The following DNAH11 variants were observed in gnomAD, a reference collection of about 807,000 sequenced individuals.
DNAH11 encodes axonemal beta dynein heavy chain 11.
In DNAH11, 442 loss-of-function variants were observed where a neutral mutation model predicts 526.0. The ratio of observed to expected loss-of-function variants is 0.84; its 90% confidence interval spans 0.78 to 0.91. The LOEUF (loss-of-function observed/expected upper bound fraction) is 0.91. DNAH11 is among the 40% of genes least tolerant of loss of function. The pLI, the probability that DNAH11 is intolerant of heterozygous loss-of-function variation, is 0.00. For synonymous variants in DNAH11, 2,461 were observed against 1,935.9 expected, an observed-to-expected ratio of 1.27 and a Z score of -7.12; for missense variants, 6,989 against 5,448.7, an observed-to-expected ratio of 1.28 and a Z score of -8.90.
At position 21,804,706 on chromosome 7, in the gene DNAH11, C is replaced by T. The variant is rs1012572999; in HGVS notation, c.10166-3177C>T. ...GCACTTCTCATTCTCTTCACCTTAC[C>T]ATGCTGGTCCAGGCTGTGGCATCTC... On this transcript the variant is annotated intron_variant, in intron 62 of 81. Transcript: ENST00000409508. Among the ~76,000 whole-genome samples, 5 of 152,248 alleles carry T rather than the reference C, an allele frequency of 3.3e-5. No homozygotes were observed. The South Asian group carries it at 1.0e-3, about 32-fold the overall frequency.
chr7:21,695,870 A>G (rs1329600290), intron 35 of DNAH11, among the ~76,000 whole-genome samples: 1 of 152,192 alleles, frequency 6.6e-6, no homozygotes, highest in Non-Finnish European at 1.5e-5. Context: ...TCCAGAATCT[A>G]CAAGGAACTT....
Position 21,591,499 on chromosome 7 carries a change from G to A in DNAH11, c.2589G>A (p.Leu863=). Residue 863 remains leucine (L), a synonymous_variant, in exon 14 of 82, where the codon TTG becomes TTA. Transcript: ENST00000409508. The part of the protein sequence containing the change: ...REHRREAAFT[L]EDKGDLFTKK... ...ACAGACGAGAGGCAGCCTTCACCTT[G>A]GAGGACAAGGGTGATTTGTTTACAA... 6.2e-7 allele frequency: 1 copy of A among 1,608,192 alleles called. No individual in the cohort carries two copies. Among genetic ancestry groups the A allele is most frequent in the Non-Finnish European group, 8.5e-7 (1 of 1,175,742 alleles).
At chr7:21,560,570 T>C (rs1231396524) in intron 4 of DNAH11, among the ~76,000 whole-genome samples, 1 of 152,212 alleles carries the variant, frequency 6.6e-6, no homozygotes, top group Non-Finnish European at 1.5e-5. Context: ...TGGATTCTGA[T>C]GTTCAAGGGC....
intron 40 of DNAH11, 128 bp downstream of exon 40, chr7:21,707,963 A>T: frequency 1.1e-6 from 1 of 880,522 alleles, no homozygotes; most frequent in East Asian, 2.7e-5. Flanking sequence ...GAAATATAGC[A>T]GATCACAACA....
chr7:21,714,662 T>C (rs1405361749), intron 42 of DNAH11, among the ~76,000 whole-genome samples: 1 of 152,182 alleles, frequency 6.6e-6, no homozygotes, highest in Non-Finnish European at 1.5e-5. Flanking sequence ...AACTTTGAAA[T>C]AAAGTTCAAA....
intron 80 of DNAH11, among the ~76,000 whole-genome samples, chr7:21,899,706 G>A (rs572579512): frequency 2.0e-5 from 3 of 152,270 alleles, no homozygotes; most frequent in African/African-American, 7.2e-5. Context: ...AACATTTTCT[G>A]GAAAGGGCCA....
intron 71 of DNAH11, 69 bp downstream of exon 71, chr7:21,866,732 G>A: frequency 6.8e-7 from 1 of 1,471,422 alleles, no homozygotes; most frequent in South Asian, 1.5e-5. Flanking sequence ...GAAGAGTTAG[G>A]AGGATCTGGT....
chr7:21,690,167 T>A (rs2128474781), intron 34 of DNAH11, among the ~76,000 whole-genome samples: 1 of 152,294 alleles, frequency 6.6e-6, no homozygotes, highest in South Asian at 2.1e-4. Flanking sequence ...ATGATTATTA[T>A]TTTTACTAGA....
chr7:21,651,502 A>G (rs1188583606), intron 28 of DNAH11, among the ~76,000 whole-genome samples: 1 of 152,216 alleles, frequency 6.6e-6, no homozygotes, highest in African/African-American at 2.4e-5. Context: ...AGCTGGAATT[A>G]TAGGCGCGTG....
chr7:21,690,774 T>C lies in DNAH11; in HGVS notation c.5934T>C (p.Phe1978=). The change falls in exon 35 of 82, where the codon TTT becomes TTC. Residue 1978 remains phenylalanine, a synonymous_variant. Transcript: ENST00000409508. ...AIRNRKKRFV[F]LGEAITLKPS... ...ATTCTTTTTATGGTAGATTTGTATT[T>C]CTTGGGGAAGCTATCACACTGAAGC... 1.2e-6 allele frequency: 2 copies of C among 1,607,032 alleles called. No homozygotes were observed. The highest frequency in any genetic ancestry group is 8.5e-7 in the Non-Finnish European group (1 of 1,176,406).
chr7:21,630,483 T>A (rs1786553523), intron 25 of DNAH11, among the ~76,000 whole-genome samples: 1 of 152,254 alleles, frequency 6.6e-6, no homozygotes, highest in African/African-American at 2.4e-5. Flanking sequence ...CCTTTAGCAT[T>A]TTTTGTAAAA....
chr7:21,756,152 A>G (rs1786626961), intron 54 of DNAH11, among the ~76,000 whole-genome samples: 1 of 152,014 alleles, frequency 6.6e-6, no homozygotes, highest in Non-Finnish European at 1.5e-5. Context: ...AAAAACTATT[A>G]TTCTGAATTT....
rs577982623 is a variant in DNAH11, at chr7:21,823,833, A to C, written c.10691+5494A>C. 8.8e-4 allele frequency among the ~76,000 whole-genome samples: 134 copies of C among 152,338 alleles called. 2 individuals carry two copies. Among genetic ancestry groups the C allele is most frequent in the South Asian group, 4.6e-3 (22 of 4,826 alleles). ...AATGTGTTACTGAGTTGACAAAAAG[A>C]AAAAGTGCAACTAAAAAGCAGGAAC... On this transcript the variant is annotated intron_variant, in intron 65 of 81. Coordinates refer to ENST00000409508, the MANE Select transcript of DNAH11 (RefSeq NM_001277115.2).
chr7:21,574,644 A>T (rs927183241), intron 8 of DNAH11, among the ~76,000 whole-genome samples: 1 of 147,844 alleles, frequency 6.8e-6, no homozygotes, highest in Non-Finnish European at 1.5e-5. Flanking sequence ...GCTCACTGCA[A>T]CCTCTGCCTC....
At chr7:21,660,695 A>T (rs1346659762) in intron 30 of DNAH11, among the ~76,000 whole-genome samples, 2 of 151,872 alleles carry the variant, frequency 1.3e-5, no homozygotes, top group African/African-American at 4.8e-5. Flanking sequence ...GTCTGTCTTT[A>T]TGAATGTATA....
At chr7:21,721,132 C>T in intron 44 of DNAH11, among the ~76,000 whole-genome samples, 1 of 152,180 alleles carries the variant, frequency 6.6e-6, no homozygotes, top group East Asian at 1.9e-4. Context: ...CTTCAGCATG[C>T]TGTTCTACAA....
intron 46 of DNAH11, among the ~76,000 whole-genome samples, chr7:21,737,005 C>T (rs145549354): frequency 1.6e-4 from 25 of 152,278 alleles, no homozygotes; most frequent in Non-Finnish European, 2.6e-4. Context: ...GATGTGAGTG[C>T]ATCTTGCTAT....
intron 30 of DNAH11, among the ~76,000 whole-genome samples, chr7:21,673,917 T>G (rs1554333332): frequency 6.6e-6 from 1 of 152,104 alleles, no homozygotes; most frequent in Non-Finnish European, 1.5e-5. Flanking sequence ...GTTTTTTTTT[T>G]GAATTCTAGT....
intron 30 of DNAH11, among the ~76,000 whole-genome samples, chr7:21,667,699 A>G (rs963882035): frequency 6.6e-6 from 1 of 152,158 alleles, no homozygotes; most frequent in Non-Finnish European, 1.5e-5. Flanking sequence ...CAGTTTAGAG[A>G]AGGAATCAAA....
Sources: allele counts gnomAD v4.1 joint callset (sites outside exome capture counted in the v4.1 genomes callset), GRCh38; gene constraint gnomAD v4.1.1; transcripts MANE v1.5; gene names NCBI Gene and HGNC (gene_info 2026-07-23, HGNC 2026-07-21).